The following CSPG4 variants were observed in gnomAD, a reference collection of about 807,000 sequenced individuals.
The protein encoded by CSPG4 is chondroitin sulfate proteoglycan 4 (melanoma-associated).
CSPG4 carries 74 observed loss-of-function variants against 139.3 expected under a neutral mutation model. The ratio of observed to expected loss-of-function variants is 0.53; its 90% CI spans 0.44 to 0.64. The LOEUF is 0.64. Among genes scored for constraint, CSPG4 ranks in the 30% least tolerant of loss-of-function variants. The pLI is 0.00. For missense variants in CSPG4, 2,565 were observed against 3,148.3 expected (o/e 0.81, Z 4.43); for synonymous variants, 1,234 against 1,394.2 (o/e 0.89, Z 2.56).
chr15:75,688,452 G>A lies in CSPG4; in HGVS notation c.2613C>T (p.Asp871=), dbSNP rs1388568463. The A allele has an allele frequency of 6.2e-7, 1 of 1,613,260 alleles. No individual in the cohort carries two copies. The highest frequency in any genetic ancestry group is 1.6e-4 in the Middle Eastern group (1 of 6,062). Residue 871 remains aspartate (D), a synonymous_variant, in exon 3 of 10, where the codon GAC becomes GAT. Transcript: ENST00000308508. ...GAGCTGTGACACGGAAACGGAAGGTGTCCTCGACTGCCTCTGAGGCACGTG... is the reference window on the plus strand; with the variant it reads ...GAGCTGTGACACGGAAACGGAAGGTATCCTCGACTGCCTCTGAGGCACGTG... ...ATARASEAVE[D]TFRFRVTAPP...
In CSPG4 at chr15:75,688,729, A is replaced by G. The variant is rs1596008915; in HGVS notation, c.2336T>C (p.Ile779Thr). 2 of 1,611,418 alleles carry G rather than the reference A, an allele frequency of 1.2e-6. No homozygotes were observed. Among genetic ancestry groups the G allele is most frequent in the South Asian group, 2.2e-5 (2 of 90,918 alleles). ...CAGCATCCACACAGTGGCTCTCTGG[A>G]TGGTCACTGGGAAGGACAGATTGCT... is the stretch of plus-strand genomic sequence containing the variant. Reference protein sequence around the residue: ...ILSNLSFPVTIQRATVWMLRL... With the variant: ...ILSNLSFPVTTQRATVWMLRL... Residue 779 changes from isoleucine to threonine, a missense_variant, in exon 3 of 10, where the codon ATC (isoleucine) becomes ACC (threonine). Around this residue, in one of 5 missense-constraint regions of CSPG4, gnomAD observed 2,316 missense variants for 2,818.2 expected, o/e 0.82. Transcript: ENST00000308508.
In CSPG4 at chr15:75,675,500, A is replaced by G. The variant is rs1893875770; in HGVS notation, c.*50T>C. 7.0e-7 allele frequency: 1 copy of G among 1,424,646 alleles called. No homozygotes were observed. Among genetic ancestry groups the G allele is most frequent in the Non-Finnish European group, 9.2e-7 (1 of 1,086,908 alleles). The allele number at this position is 1,424,646 out of a possible 1,614,324, so 88.3% of individuals were successfully genotyped here. A position where few individuals can be genotyped will look rare whatever the true frequency, so the allele number is the denominator to read the frequency against. ...GCATGGAAGCAATGGGGCCCGGGACATGGGCAAGCCTGTCCCTGGCCCGAT... is the reference window on the plus strand; with the variant it reads ...GCATGGAAGCAATGGGGCCCGGGACGTGGGCAAGCCTGTCCCTGGCCCGAT... On this transcript the variant is annotated 3_prime_UTR_variant, in exon 10 of 10. Coordinates refer to ENST00000308508, the MANE Select transcript of CSPG4 (RefSeq NM_001897.5).
Position 75,687,547 on chromosome 15 carries a change from C to A in CSPG4, c.3518G>T (p.Arg1173Leu), listed in dbSNP as rs138695207. Reference protein sequence around the residue: ...EVHYHVTAGPRWGQLVRAGQP... With the variant: ...EVHYHVTAGPLWGQLVRAGQP... ...ACCAGCCCGGACTAGCTGTCCCCAGCGAGGGCCAGCTGTGACGTGGTAGTG... is the reference window on the plus strand; with the variant it reads ...ACCAGCCCGGACTAGCTGTCCCCAGAGAGGGCCAGCTGTGACGTGGTAGTG... Residue 1173 changes from arginine to leucine, a missense_variant, in exon 3 of 10, where the codon CGC becomes CTC. Arg to Leu is a moderately radical substitution (Grantham distance 102, BLOSUM62 -2). Transcript: ENST00000308508. The surrounding 1 kb of genome is among the most constrained non-coding windows in gnomAD (Gnocchi z 5.4). The A allele has an allele frequency of 6.2e-7, 1 of 1,610,678 alleles. No individual in the cohort carries two copies. The highest frequency in any genetic ancestry group is 2.2e-5 in the East Asian group (1 of 44,854).
chr15:75,702,008 G>A, intron 1 of CSPG4, among the ~76,000 whole-genome samples: 1 of 152,196 alleles, frequency 6.6e-6, no homozygotes, highest in Non-Finnish European at 1.5e-5. Flanking sequence ...CCATCCATAA[G>A]GCGGCTGGCC....
At position 75,709,197 on chromosome 15, in the gene CSPG4, T is replaced by C. The variant is rs910084175; in HGVS notation, c.88+3471A>G. Among the ~76,000 whole-genome samples the C allele has an allele frequency of 3.3e-5, 5 of 152,134 alleles. No homozygotes were observed. In the South Asian group the frequency reaches 1.0e-3, roughly 31 times the overall value. On this transcript the variant is annotated intron_variant, in intron 1 of 9. Coordinates refer to ENST00000308508, the MANE Select transcript of CSPG4 (RefSeq NM_001897.5). ...ATTCAGTTCATTCAAAAATTCCTCATACAAACTCAGTAGGAATGGTAATAC... is the reference window on the plus strand; with the variant it reads ...ATTCAGTTCATTCAAAAATTCCTCACACAAACTCAGTAGGAATGGTAATAC...
chr15:75,695,400 C>A (rs1894212667), intron 1 of CSPG4, among the ~76,000 whole-genome samples: 1 of 152,172 alleles, frequency 6.6e-6, no homozygotes, highest in Non-Finnish European at 1.5e-5. Context: ...GCGCTGGGGT[C>A]TGAATGGGTC....
At chr15:75,697,829 G>A (rs1470643916) in intron 1 of CSPG4, among the ~76,000 whole-genome samples, 1 of 152,216 alleles carries the variant, frequency 6.6e-6, no homozygotes. Flanking sequence ...AGAGCAGGAG[G>A]TGAGAGGTGG....
In CSPG4 at chr15:75,688,089, G is replaced by A. The variant is rs374145731; in HGVS notation, c.2976C>T (p.Gly992=). 4.3e-5 allele frequency: 70 copies of A among 1,612,714 alleles called. No homozygotes were observed. The highest frequency in any genetic ancestry group is 5.3e-5 in the African/African-American group (4 of 74,944). Residue 992 remains glycine (G), a synonymous_variant, in exon 3 of 10, where the codon GGC becomes GGT. Transcript: ENST00000308508. ...DDIPFVATRQ[G]ESSGDMAWEE... ...CCCAGGCCATGTCACCACTGCTCTC[G>A]CCCTGGCGGGTAGCAACAAATGGGA... is the stretch of plus-strand genomic sequence containing the variant.
Position 75,675,567 on chromosome 15 carries a change from C to T in CSPG4, c.6952G>A (p.Gly2318Ser). 8.0e-6 allele frequency: 12 copies of T among 1,508,108 alleles called. No individual in the cohort carries two copies. The highest frequency in any genetic ancestry group is 8.9e-6 in the Non-Finnish European group (10 of 1,128,422). The allele number at this position is 1,508,108 out of a possible 1,614,324, so 93.4% of individuals were successfully genotyped here. A position where few individuals can be genotyped will look rare whatever the true frequency, so the allele number is the denominator to read the frequency against. ...CRTPNPALKN[G>S]QYWV ...GCCAGGCCTCACACCCAGTACTGGC[C>T]ATTCTTAAGGGCAGGGTTGGGTGTC... Residue 2318 changes from glycine to serine, a missense_variant, in exon 10 of 10, where the codon GGC (glycine) becomes AGC (serine). Physicochemically the swap from Gly to Ser is moderately conservative, Grantham distance 56 (BLOSUM62 0). Around this residue, in one of 5 missense-constraint regions of CSPG4, gnomAD observed 2,316 missense variants for 2,818.2 expected, o/e 0.82. Coordinates refer to ENST00000308508, the MANE Select transcript of CSPG4 (RefSeq NM_001897.5).
At chr15:75,697,694 A>G (rs1264669532) in intron 1 of CSPG4, among the ~76,000 whole-genome samples, 1 of 152,106 alleles carries the variant, frequency 6.6e-6, no homozygotes, top group East Asian at 1.9e-4. Flanking sequence ...CTGACTTTAT[A>G]AGGGAGAAAT....
At chr15:75,701,080 G>A (rs1390625937) in intron 1 of CSPG4, among the ~76,000 whole-genome samples, 5 of 152,190 alleles carry the variant, frequency 3.3e-5, no homozygotes, top group Non-Finnish European at 7.4e-5. Context: ...TAGAGGGACT[G>A]ACACACATCT....
Position 75,690,733 on chromosome 15 carries a change from G to A in CSPG4, c.332C>T (p.Thr111Ile), listed in dbSNP as rs763971320. Residue 111 changes from threonine (T) to isoleucine (I), a missense_variant, in exon 3 of 10, where the codon ACT (threonine) becomes ATT (isoleucine). Physicochemically the swap from Thr to Ile is moderately conservative, Grantham distance 89. Transcript: ENST00000308508. ...GCCCTCTACGACAGTCAGCACCACA[G>A]TGTGGGGGATGGAGTCACTCAGCAG... The part of the protein sequence containing the change: ...ETLLSDSIPH[T>I]VVLTVVEGWA... 4 of 1,613,070 alleles carry A rather than the reference G, an allele frequency of 2.5e-6. No homozygotes were observed. The highest frequency in any genetic ancestry group is 1.1e-5 in the South Asian group (1 of 91,090).
chr15:75,709,708 A>G (rs1894420767), intron 1 of CSPG4, among the ~76,000 whole-genome samples: 1 of 151,322 alleles, frequency 6.6e-6, no homozygotes, highest in African/African-American at 2.5e-5. Context: ...GTTCCCAGAC[A>G]CAGCCTATAC....
Position 75,676,042 on chromosome 15 carries a change from G to C in CSPG4, c.6477C>G (p.Asp2159Glu). ...QGVPPAVASL[D>E]FATEPYNAAR... ...CAGCATTGTAAGGCTCAGTGGCAAA[G>C]TCCAGGGAGGCCACAGCAGGCGGGA... is the stretch of plus-strand genomic sequence containing the variant. Residue 2159 changes from aspartate to glutamate, a missense_variant, in exon 10 of 10, where the codon GAC becomes GAG. Physicochemically the swap from Asp to Glu is conservative, Grantham distance 45. This residue lies in a region of CSPG4 where 2,316 missense variants were observed against 2,818.2 expected (regional missense o/e 0.82). Coordinates refer to ENST00000308508, the MANE Select transcript of CSPG4 (RefSeq NM_001897.5). 1 of 1,548,576 alleles carries C rather than the reference G, an allele frequency of 6.5e-7. No homozygotes were observed. The highest frequency in any genetic ancestry group is 8.7e-7 in the Non-Finnish European group (1 of 1,151,662).
chr15:75,684,858 T>G lies in CSPG4; in HGVS notation c.4327A>C (p.Ser1443Arg). The G allele has an allele frequency of 1.2e-6, 2 of 1,613,268 alleles. No individual in the cohort carries two copies. Among genetic ancestry groups the G allele is most frequent in the Non-Finnish European group, 1.7e-6 (2 of 1,179,624 alleles). ...GAGGCATTAGCCATCAGGACAAAAC[T>G]GTCTGTCAGTGTCTCGCTCCCGTCA... ...VHDGSETLTDSFVLMANASEM... is the reference protein window; with the variant it reads ...VHDGSETLTDRFVLMANASEM... The change falls in exon 5 of 10, where the codon AGT becomes CGT. Residue 1443 changes from serine to arginine, a missense_variant. Physicochemically the swap from Ser to Arg is moderately radical, Grantham distance 110. Transcript: ENST00000308508.
chr15:75,687,338 G>A lies in CSPG4; in HGVS notation c.3727C>T (p.Arg1243Trp), dbSNP rs370243406. Reference protein sequence around the residue: ...EGPLAPLKLVRHKKIYVFQGE... With the variant: ...EGPLAPLKLVWHKKIYVFQGE... ...TGGAAGACGTAGATCTTCTTGTGCC[G>A]GACCAGCTTCAGTGGGGCCAGTGGG... The change falls in exon 3 of 10, where the codon CGG becomes TGG. Residue 1243 changes from arginine to tryptophan, a missense_variant. Arg to Trp is a moderately radical substitution (Grantham distance 101). Coordinates refer to ENST00000308508, the MANE Select transcript of CSPG4 (RefSeq NM_001897.5). This position sits in a 1 kb window ranked among gnomAD's most constrained non-coding sequence, Gnocchi z 5.4. 1.2e-5 allele frequency: 20 copies of A among 1,612,402 alleles called. No homozygotes were observed. Among genetic ancestry groups the A allele is most frequent in the Admixed American group, 1.0e-4 (6 of 60,000 alleles).
At position 75,675,763 on chromosome 15, in the gene CSPG4, C is replaced by G. The variant is rs754763033; in HGVS notation, c.6756G>C (p.Thr2252=). ...LLFYLRKRNK[T]GKHDVQVLTA... ...TCAGGACCTGGACGTCATGCTTGCC[C>G]GTCTTGTTGCGTTTTCGGAGGTAGA... Residue 2252 remains threonine, a synonymous_variant, in exon 10 of 10, where the codon ACG becomes ACC. Transcript: ENST00000308508. The G allele has an allele frequency of 1.2e-6, 2 of 1,612,178 alleles. No individual in the cohort carries two copies. The highest frequency in any genetic ancestry group is 1.7e-6 in the Non-Finnish European group (2 of 1,178,884).
chr15:75,682,369 C>G lies in CSPG4; in HGVS notation c.4874G>C (p.Gly1625Ala), dbSNP rs769546688. 3 of 1,596,804 alleles carry G rather than the reference C, an allele frequency of 1.9e-6. No individual in the cohort carries two copies. The Admixed American group carries it at 5.0e-5, about 27-fold the overall frequency. The change falls in exon 8 of 10, where the codon GGC (glycine) becomes GCC (alanine). Residue 1625 changes from glycine (G) to alanine (A), a missense_variant. Gly to Ala is a moderately conservative substitution (Grantham distance 60). Coordinates refer to ENST00000308508, the MANE Select transcript of CSPG4 (RefSeq NM_001897.5). ...GTGGAACAGCCGGCCTAGCTGGGGG[C>G]CCCGCACCACACGGTAGAGCAGGAG... ...PQLLLYRVVR[G>A]PQLGRLFHAQ...
Position 75,687,291 on chromosome 15 carries a change from T to C in CSPG4, c.3774A>G (p.Arg1258=), listed in dbSNP as rs1410689878. 6.2e-7 allele frequency: 1 copy of C among 1,610,948 alleles called. No individual in the cohort carries two copies. The highest frequency in any genetic ancestry group is 1.1e-5 in the South Asian group (1 of 91,004). ...AACTCCTCACCTCCAGCTGGTCCCT[T>C]CTGATCTCAGCTGCCTCTCCCTGGA... is the stretch of plus-strand genomic sequence containing the variant. ...YVFQGEAAEI[R]RDQLEAAQEA... is the part of the protein sequence containing the mutation. Residue 1258 remains arginine (R), a synonymous_variant, in exon 3 of 10, where the codon AGA becomes AGG. Transcript: ENST00000308508. This position sits in a 1 kb window ranked among gnomAD's most constrained non-coding sequence, Gnocchi z 5.4.
Sources: allele counts gnomAD v4.1 joint callset (sites outside exome capture counted in the v4.1 genomes callset), GRCh38; gene constraint gnomAD v4.1.1; regional missense constraint gnomAD v4.1.1; non-coding constraint Gnocchi (gnomAD v3.1); transcripts MANE v1.5; gene names NCBI Gene and HGNC (gene_info 2026-07-23, HGNC 2026-07-21).